GRM1: variants seen among roughly 807,000 people sequenced by gnomAD.
The protein encoded by GRM1 is glutamate metabotropic receptor 1, also known as metabotropic glutamate receptor 1.
Under a neutral mutation model 90.9 loss-of-function variants are expected in GRM1, and 33 were observed. That is an observed-to-expected ratio of 0.36 (90% CI 0.28 to 0.49). The LOEUF (loss-of-function observed/expected upper bound fraction) is 0.49, where lower values mean the gene tolerates loss of function less well. Among genes scored for constraint, GRM1 ranks in the 20% least tolerant of loss-of-function variants. The probability of loss-of-function intolerance (pLI) is 0.99; values close to 1 mark genes in which losing one functional copy is unlikely to be tolerated. For missense variants in GRM1, 1,190 were observed against 1,534.3 expected (o/e 0.78, Z 3.75); for synonymous variants, 700 against 613.2 (o/e 1.14, Z -2.09).
intron 3 of GRM1, among the ~76,000 whole-genome samples, chr6:146,319,776 G>T (rs140726054): frequency 0.024 from 3,705 of 152,204 alleles, 78 homozygotes; most frequent in Middle Eastern, 0.041. Context: ...GTCTATTAAT[G>T]GTGTATAGTA....
chr6:146,380,642 T>C (rs1254482827), intron 5 of GRM1, among the ~76,000 whole-genome samples: 3 of 152,086 alleles, frequency 2.0e-5, no homozygotes, highest in African/African-American at 7.2e-5. Flanking sequence ...ATGCTGGTAC[T>C]TAAGACAAAG....
intron 3 of GRM1, among the ~76,000 whole-genome samples, chr6:146,349,247 T>A (rs11155464): frequency 0.065 from 2,682 of 41,270 alleles, 35 homozygotes; most frequent in South Asian, 0.14. Flanking sequence ...TTTTTTTTTA[T>A]TTTTTTTTTA....
intron 5 of GRM1, among the ~76,000 whole-genome samples, chr6:146,370,848 C>T (rs528269652): frequency 1.3e-4 from 20 of 152,110 alleles, no homozygotes; most frequent in South Asian, 6.2e-4. Flanking sequence ...AATCAAGATT[C>T]GTGTAATTCT....
At chr6:146,360,602 C>T (rs1344517902) in intron 5 of GRM1, among the ~76,000 whole-genome samples, 1 of 152,120 alleles carries the variant, frequency 6.6e-6, no homozygotes, top group Non-Finnish European at 1.5e-5. Flanking sequence ...CAGCTACTAC[C>T]TCTGAGCTAT....
intron 2 of GRM1, among the ~76,000 whole-genome samples, chr6:146,234,359 T>C (rs1345020289): frequency 6.6e-6 from 1 of 152,070 alleles, no homozygotes; most frequent in African/African-American, 2.4e-5. Flanking sequence ...GTATTAACAT[T>C]TGTTGTCTTC....
Position 146,434,163 on chromosome 6 carries a change from CGCG to C in GRM1, c.2956_2958del (p.Ala986del). 6.2e-7 allele frequency: 1 copy of C among 1,613,726 alleles called. No homozygotes were observed. Among genetic ancestry groups the C allele is most frequent in the South Asian group, 1.1e-5 (1 of 91,082 alleles). On this transcript the variant is annotated inframe_deletion, in exon 8 of 8. Coordinates refer to ENST00000282753, the MANE Select transcript of GRM1 (RefSeq NM_001278064.2). ...TGGTGGTGCACAGGCGCGTGCCAAG[CGCG>C]GCGACCACTCCGCCTCTGCCGTCCC...
chr6:146,412,212 A>C (rs984456472), intron 7 of GRM1, among the ~76,000 whole-genome samples: 1 of 152,202 alleles, frequency 6.6e-6, no homozygotes, highest in Non-Finnish European at 1.5e-5. Context: ...CTGGCATGTG[A>C]CAATCTTACT....
intron 1 of GRM1, among the ~76,000 whole-genome samples, chr6:146,072,986 T>G (rs1776064155): frequency 6.6e-6 from 1 of 152,146 alleles, no homozygotes; most frequent in African/African-American, 2.4e-5. Flanking sequence ...GCCACCTGAA[T>G]ATGTATACTC....
intron 5 of GRM1, among the ~76,000 whole-genome samples, chr6:146,386,122 A>G (rs1776492142): frequency 6.6e-6 from 1 of 152,102 alleles, no homozygotes. Context: ...CTAGAGATAA[A>G]TGCAAGACCA....
intron 1 of GRM1, among the ~76,000 whole-genome samples, chr6:146,061,095 G>A (rs1349816562): frequency 6.6e-6 from 1 of 152,074 alleles, no homozygotes; most frequent in East Asian, 1.9e-4. Context: ...TGCCGAGGCA[G>A]TAGAGCCATC....
intron 2 of GRM1, among the ~76,000 whole-genome samples, chr6:146,276,520 T>G (rs184253801): frequency 1.3e-3 from 202 of 152,276 alleles, no homozygotes; most frequent in Non-Finnish European, 2.0e-3. Flanking sequence ...TTAATGATTT[T>G]AGTGCATGAA....
intron 1 of GRM1, among the ~76,000 whole-genome samples, chr6:146,068,150 C>T (rs1775910225): frequency 6.7e-6 from 1 of 148,282 alleles, no homozygotes; most frequent in Non-Finnish European, 1.5e-5. Flanking sequence ...CTTGCTCTGT[C>T]GTCCAGGCTG....
intron 3 of GRM1, among the ~76,000 whole-genome samples, chr6:146,345,904 C>T (rs1240632851): frequency 1.3e-5 from 2 of 152,224 alleles, no homozygotes; most frequent in Non-Finnish European, 2.9e-5. Flanking sequence ...CAAATGCCTA[C>T]TGCAGACCTG....
chr6:146,040,853 A>G (rs192448775), intron 1 of GRM1, among the ~76,000 whole-genome samples: 20 of 150,560 alleles, frequency 1.3e-4, no homozygotes, highest in Admixed American at 3.3e-4. Context: ...CCCTTTCTCA[A>G]CTCCTTCTTG....
Position 146,399,013 on chromosome 6 carries a change from C to T in GRM1, c.1974C>T (p.Tyr658=), listed in dbSNP as rs757382637. ...LIAKPTTTSC[Y]LQRLLVGLSS... The stretch of plus-strand genomic sequence containing the variant: ...CCAAACCTACTACCACCTCCTGCTA[C>T]CTCCAGCGCCTCTTGGTTGGCCTCT... The change falls in exon 7 of 8, where the codon TAC becomes TAT. Residue 658 remains tyrosine (Y), a synonymous_variant. Coordinates refer to ENST00000282753, the MANE Select transcript of GRM1 (RefSeq NM_001278064.2). This position sits in a 1 kb window ranked among gnomAD's most constrained non-coding sequence, Gnocchi z 5.4. 1 of 1,614,078 alleles carries T rather than the reference C, an allele frequency of 6.2e-7. No individual in the cohort carries two copies. Among genetic ancestry groups the T allele is most frequent in the South Asian group, 1.1e-5 (1 of 91,078 alleles).
At chr6:146,258,728 G>C (rs917927427) in intron 2 of GRM1, among the ~76,000 whole-genome samples, 1 of 151,976 alleles carries the variant, frequency 6.6e-6, no homozygotes, top group African/African-American at 2.4e-5. Context: ...TTGCTCAGGG[G>C]CCCCATGTGT....
At chr6:146,210,058 G>A (rs1183420181) in intron 2 of GRM1, among the ~76,000 whole-genome samples, 3 of 151,996 alleles carry the variant, frequency 2.0e-5, no homozygotes, top group African/African-American at 7.3e-5. Flanking sequence ...TGCAGGATGG[G>A]GTCGAATTAT....
At chr6:146,255,099 T>C (rs1430720513) in intron 2 of GRM1, among the ~76,000 whole-genome samples, 1 of 152,226 alleles carries the variant, frequency 6.6e-6, no homozygotes, top group African/African-American at 2.4e-5. Flanking sequence ...ATCATAGTTT[T>C]CTGCTCTGCA....
chr6:146,052,117 T>A (rs991068779), intron 1 of GRM1, among the ~76,000 whole-genome samples: 10 of 152,080 alleles, frequency 6.6e-5, no homozygotes, highest in South Asian at 2.1e-4. Context: ...AGGATTTTTT[T>A]AAATTTTAAA....
Sources: allele counts gnomAD v4.1 joint callset (sites outside exome capture counted in the v4.1 genomes callset), GRCh38; gene constraint gnomAD v4.1.1; non-coding constraint Gnocchi (gnomAD v3.1); transcripts MANE v1.5; gene names NCBI Gene and HGNC (gene_info 2026-07-23, HGNC 2026-07-21).